TIAM1: variants seen among roughly 807,000 people sequenced by gnomAD.
TIAM1 encodes rho guanine nucleotide exchange factor TIAM1.
Under a neutral mutation model 163.5 loss-of-function variants are expected in TIAM1, and 65 were observed. The observed-to-expected ratio is 0.40, with a 90% confidence interval of 0.33 to 0.49. TIAM1 has a LOEUF of 0.49. TIAM1 is among the 20% of genes least tolerant of loss of function. The pLI is 0.77. For synonymous variants in TIAM1, 833 were observed against 810.1 expected (o/e 1.03, Z -0.48); for missense variants, 1,789 against 2,044.7 (o/e 0.87, Z 2.41).
intron 2 of TIAM1, among the ~76,000 whole-genome samples, chr21:31,290,632 G>A (rs1301264771): frequency 1.9e-5 from 2 of 106,446 alleles, no homozygotes; most frequent in Non-Finnish European, 3.5e-5. Context: ...CGGTAACAGA[G>A]CAAGACTCTA....
At chr21:31,196,912 T>C (rs1166545382) in intron 12 of TIAM1, among the ~76,000 whole-genome samples, 7 of 152,142 alleles carry the variant, frequency 4.6e-5, no homozygotes, top group South Asian at 2.1e-4. Flanking sequence ...TATGTAGCCA[T>C]GAAAAAGAAC....
intron 20 of TIAM1, 109 bp downstream of exon 20, chr21:31,146,786 T>C (rs375644344): frequency 1.8e-5 from 14 of 773,696 alleles, no homozygotes; most frequent in African/African-American, 1.7e-4. Flanking sequence ...CTGGAACATC[T>C]ATCTGGCAAC....
At chr21:31,394,779 C>T (rs1011873126) in intron 2 of TIAM1, among the ~76,000 whole-genome samples, 3 of 148,350 alleles carry the variant, frequency 2.0e-5, no homozygotes, top group Admixed American at 1.3e-4. Flanking sequence ...CACACACTGC[C>T]AGAGGAGCCA....
chr21:31,481,567 G>A (rs11700411), intron 1 of TIAM1, among the ~76,000 whole-genome samples: 51,920 of 151,900 alleles, frequency 0.34, 9,161 homozygotes, highest in Non-Finnish European at 0.37. Context: ...AAATTCTGGG[G>A]TTCCCATGAT....
At chr21:31,311,177 T>G (rs931142982) in intron 2 of TIAM1, among the ~76,000 whole-genome samples, 5 of 151,804 alleles carry the variant, frequency 3.3e-5, no homozygotes, top group Non-Finnish European at 7.4e-5. Context: ...GTTTTGTTTT[T>G]TTTTTTGTCA....
At chr21:31,418,828 T>C (rs1263621139) in intron 2 of TIAM1, among the ~76,000 whole-genome samples, 1 of 152,204 alleles carries the variant, frequency 6.6e-6, no homozygotes, top group Non-Finnish European at 1.5e-5. Flanking sequence ...AGAGGCCTTT[T>C]GCTGCAAGCA....
At chr21:31,396,279 C>T (rs1480884336) in intron 2 of TIAM1, among the ~76,000 whole-genome samples, 2 of 152,138 alleles carry the variant, frequency 1.3e-5, no homozygotes, top group Non-Finnish European at 2.9e-5. Flanking sequence ...GGCGCCTGCC[C>T]CATTCCTGCC....
At chr21:31,131,509 T>C (rs796607518) in intron 23 of TIAM1, among the ~76,000 whole-genome samples, 9 of 152,328 alleles carry the variant, frequency 5.9e-5, no homozygotes, top group African/African-American at 2.2e-4. Context: ...GGTAAACATG[T>C]AGTTTCATTC....
chr21:31,519,423 T>G (rs996140687), intron 1 of TIAM1, among the ~76,000 whole-genome samples: 2 of 149,048 alleles, frequency 1.3e-5, no homozygotes, highest in African/African-American at 2.5e-5. Flanking sequence ...GCATGAGAAT[T>G]GATTGAACCT....
intron 2 of TIAM1, among the ~76,000 whole-genome samples, chr21:31,321,116 C>T (rs1002640951): frequency 1.3e-5 from 2 of 151,778 alleles, no homozygotes; most frequent in African/African-American, 2.4e-5. Flanking sequence ...TGTGCTACCG[C>T]GCTCCAGCCT....
chr21:31,355,374 C>T (rs902831798), intron 2 of TIAM1, among the ~76,000 whole-genome samples: 1 of 152,026 alleles, frequency 6.6e-6, no homozygotes, highest in African/African-American at 2.4e-5. Flanking sequence ...GTTCATCTTC[C>T]GCTTATGAAG....
intron 2 of TIAM1, among the ~76,000 whole-genome samples, chr21:31,328,730 G>A (rs2147057543): frequency 6.6e-6 from 1 of 151,796 alleles, no homozygotes; most frequent in East Asian, 1.9e-4. Flanking sequence ...CCCCCGACAG[G>A]CCCAGGTGTG....
chr21:31,510,327 A>C (rs1449112789), intron 1 of TIAM1, among the ~76,000 whole-genome samples: 1 of 152,068 alleles, frequency 6.6e-6, no homozygotes, highest in East Asian at 1.9e-4. Flanking sequence ...TGCCTCTATG[A>C]CCAAATTTCC....
intron 2 of TIAM1, among the ~76,000 whole-genome samples, chr21:31,437,838 A>G (rs1311916150): frequency 1.3e-5 from 2 of 152,226 alleles, no homozygotes; most frequent in Admixed American, 1.3e-4. Flanking sequence ...CCATAAGCCA[A>G]TTAAACCTCT....
intron 2 of TIAM1, among the ~76,000 whole-genome samples, chr21:31,375,768 C>T (rs970226781): frequency 3.3e-5 from 5 of 152,182 alleles, no homozygotes; most frequent in Non-Finnish European, 5.9e-5. Flanking sequence ...GTGGCTCACG[C>T]CTGTAATCCC....
chr21:31,378,795 G>A (rs187152467), intron 2 of TIAM1, among the ~76,000 whole-genome samples: 3 of 152,218 alleles, frequency 2.0e-5, no homozygotes, highest in African/African-American at 4.8e-5. Context: ...CACTGCATCC[G>A]TACTGCATAT....
At chr21:31,206,861 T>C (rs2146537755) in intron 11 of TIAM1, among the ~76,000 whole-genome samples, 2 of 151,870 alleles carry the variant, frequency 1.3e-5, no homozygotes, top group Middle Eastern at 6.8e-3. Context: ...CAGTCAAACT[T>C]CTAGAAGACA....
chr21:31,179,663 AGG>A (rs2084924199), intron 15 of TIAM1, among the ~76,000 whole-genome samples: 1 of 152,080 alleles, frequency 6.6e-6, no homozygotes, highest in South Asian at 2.1e-4. Context: ...GGTCTGAAGG[AGG>A]TAACGTGGTC....
chr21:31,413,273 T>C (rs1336965950), intron 2 of TIAM1, among the ~76,000 whole-genome samples: 3 of 134,982 alleles, frequency 2.2e-5, no homozygotes, highest in East Asian at 4.3e-4. Context: ...TCTTTTTTTT[T>C]TTTTTTTTTT....
Sources: gnomAD v4.1 joint callset for allele counts (sites outside exome capture counted in the v4.1 genomes callset) on GRCh38, gnomAD v4.1.1 for gene constraint, MANE v1.5 for transcripts, NCBI Gene and HGNC (gene_info 2026-07-23, HGNC 2026-07-21) for gene names.